Variants in PDE4C observed in about 807,000 individuals in gnomAD.
PDE4C encodes the protein 3',5'-cyclic-AMP phosphodiesterase 4C.
A neutral mutation model predicts 63.9 loss-of-function variants in PDE4C; 50 were observed. That is an observed-to-expected ratio of 0.78 (90% CI 0.62 to 0.99). The LOEUF is 0.99. Among genes scored for constraint, PDE4C ranks in the 50% least tolerant of loss-of-function variants. PDE4C has a pLI of 0.00. For missense variants in PDE4C, 777 were observed against 899.1 expected (o/e 0.86, Z 1.74); for synonymous variants, 377 against 385.1 (o/e 0.98, Z 0.25).
chr19:18,226,376 C>T (rs773792472), exon 1 of PDE4C: 2 of 1,482,244 alleles, frequency 1.3e-6, no homozygotes, highest in South Asian at 1.3e-5. Context: ...CGAGGGGAGC[C>T]GGGCCCGGGG....
chr19:18,255,194 A>G, the PDE4C span: 17 of 396,896 alleles, frequency 4.3e-5, no homozygotes, highest in Non-Finnish European at 7.1e-5. The surrounding 1 kb of genome is among the most constrained non-coding windows in gnomAD (Gnocchi z 4.6). Flanking sequence ...GCTTTCTGGA[A>G]GCTGAGCCTC....
Position 18,221,919 on chromosome 19 carries a change from C to G in PDE4C, c.338+213G>C, listed in dbSNP as rs193010369. On this transcript the variant is annotated intron_variant, in intron 2 of 14. Coordinates refer to ENST00000262805, the Ensembl canonical transcript of PDE4C. ...GAGATTACAGGCGTGAGCCACCGTG[C>G]CCGGCCGACCTTAATGTTTTTGGAT... Among the ~76,000 whole-genome samples, 262 of 152,296 alleles carry G rather than the reference C, an allele frequency of 1.7e-3. 4 individuals carry two copies. The highest frequency in any genetic ancestry group is 5.7e-3 in the African/African-American group (236 of 41,554).
upstream of PDE4C, among the ~76,000 whole-genome samples, chr19:18,236,425 G>A (rs753706984): frequency 1.5e-4 from 23 of 152,038 alleles, no homozygotes; most frequent in Non-Finnish European, 2.5e-4. Flanking sequence ...GTTTCACCAT[G>A]TTGACCAGGC....
chr19:18,233,059 G>A, exon 1 of PDE4C: 1 of 1,569,606 alleles, frequency 6.4e-7, no homozygotes, highest in South Asian at 1.2e-5. Flanking sequence ...GAATAGAAGC[G>A]CTGTTGGATG....
chr19:18,232,956 C>T, exon 1 of PDE4C: 1 of 1,455,104 alleles, frequency 6.9e-7, no homozygotes. Flanking sequence ...CTACCGCCTG[C>T]AGGAGGAAAC....
chr19:18,226,505 C>A, upstream of PDE4C: 1 of 1,096,226 alleles, frequency 9.1e-7, no homozygotes, highest in Non-Finnish European at 1.2e-6. Flanking sequence ...GGGGAGGGGG[C>A]AAAGGGCGCA....
At position 18,220,574 on chromosome 19, in the gene PDE4C, C is replaced by T. The variant is rs557111117; in HGVS notation, c.500-59G>A. On this transcript the variant is annotated intron_variant, in intron 5 of 14. Coordinates refer to ENST00000262805, the Ensembl canonical transcript of PDE4C. This position sits in a 1 kb window ranked among gnomAD's most constrained non-coding sequence, Gnocchi z 5.1. ...CCCCCCGCTCAGGGACCCCACGCCT[C>T]TCGCGACTTCGTCTCTTCATCTGGA... 119 of 1,428,806 alleles carry T rather than the reference C, an allele frequency of 8.3e-5. 1 individual carries two copies. The Admixed American group carries it at 2.1e-3, about 26-fold the overall frequency. The allele number at this position is 1,428,806 out of a possible 1,614,324, so 88.5% of individuals were successfully genotyped here.
intron 2 of PDE4C, 65 bp downstream of exon 2, chr19:18,222,067 T>C (rs930016805): frequency 3.5e-6 from 5 of 1,411,880 alleles, no homozygotes; most frequent in Non-Finnish European, 3.9e-6. Context: ...AGGAGCTTGC[T>C]GAATAGAGGA....
upstream of PDE4C, among the ~76,000 whole-genome samples, chr19:18,248,459 G>A (rs144659477): frequency 2.1e-3 from 318 of 151,832 alleles, 4 homozygotes; most frequent in South Asian, 4.8e-3. Flanking sequence ...GGAAGGAGGG[G>A]GGAAGGAGGG....
Position 18,221,157 on chromosome 19 carries a change from C to T in PDE4C, c.397G>A (p.Val133Ile), listed in dbSNP as rs768317307. 1.2e-5 allele frequency: 19 copies of T among 1,566,198 alleles called. No individual in the cohort carries two copies. The highest frequency in any genetic ancestry group is 2.3e-5 in the South Asian group (2 of 87,010). The change falls in exon 4 of 15, where the codon GTT becomes ATT. Residue 133 changes from valine (V) to isoleucine (I), a missense_variant. Physicochemically the swap from Val to Ile is conservative, Grantham distance 29 (BLOSUM62 3). Around this residue, in one of 3 missense-constraint regions of PDE4C, gnomAD observed 249 missense variants for 247.8 expected, o/e 1.00. Transcript: ENST00000262805. ...GCAAGGGCCGCCACGTTGCTCCGAA[C>T]GGTCCGCAGACTGGCCAGGACCTGT... is the stretch of plus-strand genomic sequence containing the variant.
intron 12 of PDE4C, 152 bp downstream of exon 12, chr19:18,216,589 C>T (rs1316396776): frequency 1.3e-6 from 1 of 741,950 alleles, no homozygotes; most frequent in East Asian, 2.7e-5. Context: ...TGTTCCATTT[C>T]ACAGATGAGG....
intron 4 of PDE4C, 30 bp downstream of exon 4, chr19:18,221,075 C>G: frequency 7.1e-7 from 1 of 1,415,930 alleles, no homozygotes; most frequent in Non-Finnish European, 9.7e-7. Context: ...CTGCCGGCCC[C>G]GCCCCCGCCC....
exon 1 of PDE4C, chr19:18,233,203 AG>A: frequency 6.4e-7 from 1 of 1,556,124 alleles, no homozygotes; most frequent in Non-Finnish European, 8.7e-7. Flanking sequence ...CGCCAGAGAA[AG>A]GGGTCTGGGA....
At chr19:18,243,988 G>C (rs1276515800) in intron 1 of PDE4C, among the ~76,000 whole-genome samples, 3 of 151,028 alleles carry the variant, frequency 2.0e-5, no homozygotes, top group Admixed American at 2.0e-4. Context: ...CTGAGTAGCT[G>C]GGATTACAGG....
chr19:18,213,407 G>A (rs762839798), exon 13 of PDE4C: 36 of 1,613,770 alleles, frequency 2.2e-5, no homozygotes, highest in African/African-American at 6.7e-5. Flanking sequence ...GGAGGACACC[G>A]AGGCTTGTCA....
chr19:18,241,255 G>GTTT (rs200717537), intron 1 of PDE4C, among the ~76,000 whole-genome samples: 3 of 78,514 alleles, frequency 3.8e-5, no homozygotes, highest in African/African-American at 5.0e-5. Context: ...TTCTTCTCTT[G>GTTT]TTTTTTTTTT....
exon 1 of PDE4C, chr19:18,233,604 GTC>G (rs1271130724): frequency 2.2e-6 from 1 of 459,358 alleles, no homozygotes; most frequent in African/African-American, 2.0e-5. Context: ...GGGAGACAGG[GTC>G]TCAGGAGACC....
chr19:18,242,430 T>G (rs892083535), intron 1 of PDE4C, among the ~76,000 whole-genome samples: 1 of 126,752 alleles, frequency 7.9e-6, no homozygotes, highest in Non-Finnish European at 1.6e-5. Context: ...AAGCCGAGGT[T>G]GCACTGTTGC....
chr19:18,218,586 A>G (rs1968316465), intron 9 of PDE4C, 88 bp from the exon 10 acceptor site: 1 of 1,443,320 alleles, frequency 6.9e-7, no homozygotes, highest in Admixed American at 1.7e-5. Context: ...ACTCCTATCT[A>G]TGCCTCAAGC....
Sources: allele counts gnomAD v4.1 joint callset (sites outside exome capture counted in the v4.1 genomes callset), GRCh38; gene constraint gnomAD v4.1.1; regional missense constraint gnomAD v4.1.1; non-coding constraint Gnocchi (gnomAD v3.1); transcripts MANE v1.5; gene names NCBI Gene and HGNC (gene_info 2026-07-23, HGNC 2026-07-21).